The following CSMD3 variants were observed in gnomAD, a reference collection of about 807,000 sequenced individuals.
CSMD3 encodes CUB and Sushi multiple domains 3, also known as CUB and sushi domain-containing protein 3.
A neutral mutation model predicts 435.2 loss-of-function variants in CSMD3; 177 were observed. That is an observed-to-expected ratio of 0.41 (90% CI 0.36 to 0.46). The LOEUF (loss-of-function observed/expected upper bound fraction) is 0.46. Ranked by LOEUF, CSMD3 falls within the 20% of genes least tolerant of loss-of-function variation. CSMD3 has a pLI of 0.34. For missense variants in CSMD3, 4,265 were observed against 4,504.6 expected (o/e 0.95, Z 1.52); for synonymous variants, 1,656 against 1,520.5 (o/e 1.09, Z -2.07).
chr8:113,122,950 A>G (rs2091026373), intron 4 of CSMD3, among the ~76,000 whole-genome samples: 1 of 152,046 alleles, frequency 6.6e-6, no homozygotes, highest in African/African-American at 2.4e-5. Flanking sequence ...GCAAAAAAAA[A>G]AAAGGTCTGG....
At position 112,237,216 on chromosome 8, in the gene CSMD3, T is replaced by C. The variant is rs1813670746; in HGVS notation, c.10601A>G (p.Asn3534Ser). 1 of 1,613,650 alleles carries C rather than the reference T, an allele frequency of 6.2e-7. No individual in the cohort carries two copies. ...STGRVNATLS[N>S]SNMELLLSGV... ...TGAAAGTAGCAGCTCCATGTTGCTATTGCTCAGTGTTGCGTTAACTCTCCC... is the reference window on the plus strand; with the variant it reads ...TGAAAGTAGCAGCTCCATGTTGCTACTGCTCAGTGTTGCGTTAACTCTCCC... The change falls in exon 67 of 71, where the codon AAT becomes AGT. Residue 3534 changes from asparagine (N) to serine (S), a missense_variant. Physicochemically the swap from Asn to Ser is conservative, Grantham distance 46. Around this residue, in one of 3 missense-constraint regions of CSMD3, gnomAD observed 3,255 missense variants for 3,380.2 expected, o/e 0.96. Transcript: ENST00000297405.
At chr8:113,167,225 G>A (rs1408601240) in intron 4 of CSMD3, among the ~76,000 whole-genome samples, 1 of 152,012 alleles carries the variant, frequency 6.6e-6, no homozygotes, top group Admixed American at 6.6e-5. Flanking sequence ...ACAAGTGATA[G>A]CTATTACTTC....
At chr8:112,920,356 G>A (rs1159910797) in intron 10 of CSMD3, among the ~76,000 whole-genome samples, 4 of 151,768 alleles carry the variant, frequency 2.6e-5, no homozygotes, top group East Asian at 1.9e-4. Flanking sequence ...TGGAATAGAT[G>A]GCAAAGAAAC....
intron 17 of CSMD3, among the ~76,000 whole-genome samples, chr8:112,658,346 G>T (rs941565501): frequency 9.9e-5 from 15 of 152,036 alleles, no homozygotes; most frequent in African/African-American, 3.1e-4. Context: ...TCAAACAAAT[G>T]CCCAGAACTA....
At chr8:113,295,813 T>C (rs1267655180) in intron 2 of CSMD3, among the ~76,000 whole-genome samples, 1 of 152,148 alleles carries the variant, frequency 6.6e-6, no homozygotes, top group Non-Finnish European at 1.5e-5. Flanking sequence ...ACCCAAAGGA[T>C]TATAAATCAT....
intron 13 of CSMD3, among the ~76,000 whole-genome samples, chr8:112,779,655 T>A (rs1055153482): frequency 6.6e-6 from 1 of 152,126 alleles, no homozygotes; most frequent in Non-Finnish European, 1.5e-5. Context: ...TGCAATGCCA[T>A]ATTTAGAAAA....
At chr8:112,321,563 A>C (rs1822999154) in intron 45 of CSMD3, among the ~76,000 whole-genome samples, 1 of 152,168 alleles carries the variant, frequency 6.6e-6, no homozygotes, top group Non-Finnish European at 1.5e-5. Context: ...ATCATCTAAC[A>C]AAAAGCTATT....
At chr8:112,886,108 CTTGT>C (rs1176443476) in intron 10 of CSMD3, among the ~76,000 whole-genome samples, 1 of 151,424 alleles carries the variant, frequency 6.6e-6, no homozygotes, top group Non-Finnish European at 1.5e-5. Flanking sequence ...TGTGGTTTTA[CTTGT>C]TTGTTTTTTT....
At chr8:112,954,138 T>G (rs573138316) in intron 8 of CSMD3, among the ~76,000 whole-genome samples, 35 of 151,640 alleles carry the variant, frequency 2.3e-4, no homozygotes, top group African/African-American at 8.4e-4. Flanking sequence ...ATTGTGTACT[T>G]CAGGCCATTT....
intron 11 of CSMD3, 66 bp from the exon 12 acceptor site, chr8:112,829,855 C>A (rs1026434387): frequency 4.9e-6 from 4 of 816,948 alleles, no homozygotes; most frequent in Non-Finnish European, 8.5e-6. Context: ...ACAAAAAAAG[C>A]AATGACAGAA....
At chr8:113,057,486 C>T (rs1391131208) in intron 5 of CSMD3, among the ~76,000 whole-genome samples, 1 of 151,786 alleles carries the variant, frequency 6.6e-6, no homozygotes, top group Non-Finnish European at 1.5e-5. Flanking sequence ...GTGTGAATCT[C>T]ATTAGAGCCA....
intron 1 of CSMD3, among the ~76,000 whole-genome samples, chr8:113,380,602 A>G (rs1041120279): frequency 6.6e-6 from 1 of 152,184 alleles, no homozygotes; most frequent in African/African-American, 2.4e-5. Context: ...CATCAACCAC[A>G]ATTTACTAAC....
chr8:112,377,652 C>G (rs1052365106), intron 38 of CSMD3, among the ~76,000 whole-genome samples: 1 of 151,960 alleles, frequency 6.6e-6, no homozygotes, highest in African/African-American at 2.4e-5. Context: ...TATACCACAA[C>G]TAAGAGGAAT....
chr8:112,328,683 G>A (rs1823745859), intron 45 of CSMD3, among the ~76,000 whole-genome samples: 1 of 152,140 alleles, frequency 6.6e-6, no homozygotes, highest in African/African-American at 2.4e-5. Flanking sequence ...TAGTGAGAGG[G>A]GATTGGATCA....
chr8:112,685,823 T>C, intron 14 of CSMD3, 91 bp from the exon 15 acceptor site: 1 of 825,014 alleles, frequency 1.2e-6, no homozygotes, highest in African/African-American at 1.7e-5. Context: ...TGATAATCAA[T>C]TAGCAGTATA....
chr8:113,350,060 C>T (rs2094179443), intron 1 of CSMD3, among the ~76,000 whole-genome samples: 1 of 151,888 alleles, frequency 6.6e-6, no homozygotes, highest in South Asian at 2.1e-4. Flanking sequence ...AAAGGCACAA[C>T]CAACCACAAC....
intron 1 of CSMD3, among the ~76,000 whole-genome samples, chr8:113,357,007 A>T (rs2094234472): frequency 6.6e-6 from 1 of 152,188 alleles, no homozygotes; most frequent in African/African-American, 2.4e-5. Context: ...AATCTAGAAC[A>T]GAGAGATACT....
intron 65 of CSMD3, 95 bp from the exon 66 acceptor site, chr8:112,241,880 G>T: frequency 1.3e-6 from 1 of 785,144 alleles, no homozygotes; most frequent in Non-Finnish European, 2.2e-6. Context: ...ACAGTGTGAT[G>T]CACTGTCCAT....
chr8:113,094,462 AT>A (rs2090101043), intron 5 of CSMD3, among the ~76,000 whole-genome samples: 1 of 152,024 alleles, frequency 6.6e-6, no homozygotes. Flanking sequence ...CCCACTCTTT[AT>A]CATTAATTTT....
Sources: allele counts gnomAD v4.1 joint callset (sites outside exome capture counted in the v4.1 genomes callset), GRCh38; gene constraint gnomAD v4.1.1; regional missense constraint gnomAD v4.1.1; transcripts MANE v1.5; gene names NCBI Gene and HGNC (gene_info 2026-07-23, HGNC 2026-07-21).